DTNA: variants seen among roughly 807,000 people sequenced by gnomAD.
DTNA encodes the protein dystrobrevin alpha, also known as dystrophin-related protein 3.
Under a neutral mutation model 100.7 loss-of-function variants are expected in DTNA, and 43 were observed. The ratio of observed to expected loss-of-function variants is 0.43; its 90% CI spans 0.33 to 0.55. The LOEUF (loss-of-function observed/expected upper bound fraction) is 0.55, where lower values mean the gene tolerates loss of function less well. Ranked by LOEUF, DTNA falls within the 20% of genes least tolerant of loss-of-function variation. The pLI is 0.04. For synonymous variants in DTNA, 349 were observed against 347.9 expected (o/e 1.00, Z -0.04); for missense variants, 798 against 953.9 (o/e 0.84, Z 2.15).
chr18:34,720,875 A>G (rs1304964331), intron 1 of DTNA, among the ~76,000 whole-genome samples: 2 of 152,166 alleles, frequency 1.3e-5, no homozygotes, highest in African/African-American at 2.4e-5. Flanking sequence ...TTTTCTTCCA[A>G]CTATTAGGGA....
In DTNA at chr18:34,774,499, A is replaced by G. The variant is rs145780866; in HGVS notation, c.148+8458A>G. ...CCTCACTGAGGTTTTGTTAACATTC[A>G]TTGTTATTAGCAATCACTCATTTAT... On this transcript the variant is annotated intron_variant, in intron 3 of 22. Coordinates refer to ENST00000444659, the MANE Select transcript of DTNA (RefSeq NM_001386795.1). 6.4e-3 allele frequency among the ~76,000 whole-genome samples: 975 copies of G among 152,310 alleles called. 5 individuals carry two copies. The highest frequency in any genetic ancestry group is 0.022 in the African/African-American group (935 of 41,566).
At chr18:34,545,499 G>A (rs1316224637) in intron 1 of DTNA, among the ~76,000 whole-genome samples, 1 of 152,070 alleles carries the variant, frequency 6.6e-6, no homozygotes. Context: ...CAACAACAAA[G>A]AAGTATAAGT....
chr18:34,747,325 A>G (rs756325706), intron 1 of DTNA, among the ~76,000 whole-genome samples: 4 of 152,064 alleles, frequency 2.6e-5, no homozygotes, highest in Non-Finnish European at 5.9e-5. Flanking sequence ...GGATGCACTT[A>G]GGGTGCTTTT....
chr18:34,647,355 C>T (rs1400530181), intron 1 of DTNA, among the ~76,000 whole-genome samples: 1 of 152,154 alleles, frequency 6.6e-6, no homozygotes, highest in Non-Finnish European at 1.5e-5. Flanking sequence ...AAAGCTCAGC[C>T]AACCTCTTGG....
At chr18:34,841,005 TAGTA>T (rs2096257863) in intron 13 of DTNA, among the ~76,000 whole-genome samples, 1 of 152,120 alleles carries the variant, frequency 6.6e-6, no homozygotes, top group Admixed American at 6.6e-5. Context: ...GTAATAATAA[TAGTA>T]AGTGTTTTTA....
At chr18:34,581,770 C>T (rs896809426) in intron 1 of DTNA, among the ~76,000 whole-genome samples, 1 of 151,904 alleles carries the variant, frequency 6.6e-6, no homozygotes, top group South Asian at 2.1e-4. Context: ...ACTACAGGTG[C>T]ACACCACCAT....
chr18:34,645,794 CTT>C (rs2059766594), intron 1 of DTNA, among the ~76,000 whole-genome samples: 1 of 151,908 alleles, frequency 6.6e-6, no homozygotes, highest in South Asian at 2.1e-4. Context: ...GCTGTATTGA[CTT>C]TAGAAGCTGG....
chr18:34,829,631 T>G, intron 11 of DTNA, 142 bp downstream of exon 11: 1 of 908,600 alleles, frequency 1.1e-6, no homozygotes, highest in Non-Finnish European at 1.6e-6. Context: ...GAAATTGTGT[T>G]GAGACTTTTC....
chr18:34,727,965 G>A (rs1359435470), intron 1 of DTNA, among the ~76,000 whole-genome samples: 1 of 152,042 alleles, frequency 6.6e-6, no homozygotes, highest in Non-Finnish European at 1.5e-5. Flanking sequence ...GGGGGAAAAG[G>A]CAAAAAATGA....
intron 1 of DTNA, among the ~76,000 whole-genome samples, chr18:34,753,374 T>TATTTTA (rs1568412816): frequency 4.2e-5 from 4 of 94,384 alleles, no homozygotes; most frequent in African/African-American, 1.8e-4. Context: ...TTATTTTTTT[T>TATTTTA]TTTTTTTTAT....
At chr18:34,578,225 G>A (rs1406555552) in intron 1 of DTNA, among the ~76,000 whole-genome samples, 2 of 151,962 alleles carry the variant, frequency 1.3e-5, no homozygotes, top group African/African-American at 4.8e-5. Flanking sequence ...CTAATCATCA[G>A]TAATGTTGAG....
intron 1 of DTNA, among the ~76,000 whole-genome samples, chr18:34,526,247 AATGACCTTTGTCTTCTGCAGT>A (rs1168251043): frequency 1.3e-5 from 2 of 152,152 alleles, no homozygotes; most frequent in African/African-American, 4.8e-5. Context: ...GTTGTGATTT[AATGACCTTTGTCTTCTGCAGT>A]ATGCTGTCCT....
chr18:34,797,789 C>T (rs1295376531), intron 4 of DTNA, among the ~76,000 whole-genome samples: 1 of 152,178 alleles, frequency 6.6e-6, no homozygotes, highest in Non-Finnish European at 1.5e-5. Flanking sequence ...GATCACCTTT[C>T]CACAGGTCCA....
At chr18:34,755,795 T>C (rs992539769) in intron 1 of DTNA, among the ~76,000 whole-genome samples, 181 bp from the exon 2 acceptor site, 1 of 152,202 alleles carries the variant, frequency 6.6e-6, no homozygotes, top group Non-Finnish European at 1.5e-5. Flanking sequence ...ATAATATATA[T>C]GGAAAAATAT....
chr18:34,660,964 TG>T (rs2144518795), intron 1 of DTNA, among the ~76,000 whole-genome samples: 1 of 152,342 alleles, frequency 6.6e-6, no homozygotes, highest in East Asian at 1.9e-4. Flanking sequence ...GAGACAGGGC[TG>T]TGTCACTGAC....
intron 3 of DTNA, among the ~76,000 whole-genome samples, chr18:34,779,700 T>C (rs1288618921): frequency 6.6e-6 from 1 of 152,186 alleles, no homozygotes; most frequent in African/African-American, 2.4e-5. Context: ...CAATCCATCC[T>C]CAGGAACAGT....
intron 4 of DTNA, among the ~76,000 whole-genome samples, chr18:34,797,891 A>G (rs1490497620): frequency 2.6e-5 from 4 of 152,214 alleles, no homozygotes; most frequent in Non-Finnish European, 4.4e-5. Context: ...GGAAAGAACC[A>G]TATTTTATTC....
chr18:34,558,868 G>A (rs1255881804), intron 1 of DTNA, among the ~76,000 whole-genome samples: 1 of 152,204 alleles, frequency 6.6e-6, no homozygotes, highest in Non-Finnish European at 1.5e-5. Context: ...GAAGGAGGAA[G>A]CAATGCTAAG....
chr18:34,854,409 G>A (rs541818498), intron 15 of DTNA, among the ~76,000 whole-genome samples: 49 of 152,256 alleles, frequency 3.2e-4, no homozygotes, highest in Non-Finnish European at 6.3e-4. Context: ...ATAATATATG[G>A]TGGAAAGGTT....
Sources: allele counts gnomAD v4.1 joint callset (sites outside exome capture counted in the v4.1 genomes callset), GRCh38; gene constraint gnomAD v4.1.1; transcripts MANE v1.5; gene names NCBI Gene and HGNC (gene_info 2026-07-23, HGNC 2026-07-21).